The following PARD3B variants were observed in gnomAD, a reference collection of about 807,000 sequenced individuals.
PARD3B encodes the protein par-3 family cell polarity regulator beta, also known as partitioning defective 3 homolog B.
In PARD3B, 103 loss-of-function variants were observed where a neutral mutation model predicts 130.2. The ratio of observed to expected loss-of-function variants is 0.79; its 90% CI spans 0.67 to 0.93. The LOEUF (loss-of-function observed/expected upper bound fraction) is 0.93, where lower values mean the gene tolerates loss of function less well. PARD3B is among the 40% of genes least tolerant of loss of function. The pLI is 0.00. For missense variants in PARD3B, 1,609 were observed against 1,499.2 expected, an observed-to-expected ratio of 1.07 and a Z score of -1.21; for synonymous variants, 583 against 553.2, an observed-to-expected ratio of 1.05 and a Z score of -0.76.
intron 4 of PARD3B, 128 bp from the exon 5 acceptor site, chr2:205,104,298 C>T: frequency 1.6e-6 from 1 of 640,436 alleles, no homozygotes; most frequent in East Asian, 2.6e-5. Context: ...TTCCAGTTTT[C>T]AAAGAAATTA....
intron 1 of PARD3B, among the ~76,000 whole-genome samples, chr2:204,563,261 C>CTCTCTCTT (rs1553542046): frequency 7.0e-6 from 1 of 142,980 alleles, no homozygotes; most frequent in South Asian, 2.2e-4. Context: ...CTCTCTCTCT[C>CTCTCTCTT]TCTCTTTCTC....
rs1049191032 is a variant in PARD3B at position 205,406,636 on chromosome 2, G to A, written c.2741+5513G>A. ...CTAATTAAGTACATTAAGCCACATA[G>A]CACCTAAAATCTTCTTGTGTATCTT... On this transcript the variant is annotated intron_variant, in intron 19 of 22. Coordinates refer to ENST00000406610, the MANE Select transcript of PARD3B (RefSeq NM_001302769.2). Among the ~76,000 whole-genome samples the A allele has an allele frequency of 5.0e-5, 7 of 139,554 alleles. No individual in the cohort carries two copies. The South Asian group carries it at 7.5e-4, about 15-fold the overall frequency. The allele number at this position is 139,554 out of a possible 152,430, so 91.6% of individuals were successfully genotyped here.
At chr2:204,594,875 T>C (rs1484605755) in intron 1 of PARD3B, among the ~76,000 whole-genome samples, 1 of 152,170 alleles carries the variant, frequency 6.6e-6, no homozygotes, top group African/African-American at 2.4e-5. Context: ...GCCTCAGCTA[T>C]GTTGGTGTTT....
intron 3 of PARD3B, among the ~76,000 whole-genome samples, chr2:205,036,379 G>A (rs1575603276): frequency 7.1e-6 from 1 of 141,098 alleles, no homozygotes; most frequent in Non-Finnish European, 1.5e-5. Context: ...AATATATATA[G>A]CAGACTATAT....
rs1305117161 is a variant in PARD3B, at chr2:205,128,665, C to T, written c.1434+2928C>T. Among the ~76,000 whole-genome samples, 1 of 152,208 alleles carries T rather than the reference C, an allele frequency of 6.6e-6. No homozygotes were observed. The highest frequency in any genetic ancestry group is 1.9e-4 in the East Asian group (1 of 5,180). On this transcript the variant is annotated intron_variant, in intron 10 of 22. Transcript: ENST00000406610. The surrounding 1 kb of genome is among the most constrained non-coding windows in gnomAD (Gnocchi z 4.5). ...TGGCTAATTGTAAGTTCTCAAAATA[C>T]GTTAGCTATAATTTTTTTTTCTAAT...
intron 21 of PARD3B, among the ~76,000 whole-genome samples, chr2:205,521,261 C>T (rs931164287): frequency 9.2e-5 from 14 of 151,850 alleles, no homozygotes; most frequent in Non-Finnish European, 1.5e-4. Flanking sequence ...TGAGAATAAA[C>T]ATTTCATAGG....
intron 1 of PARD3B, among the ~76,000 whole-genome samples, chr2:204,607,627 A>G (rs992528063): frequency 6.6e-6 from 1 of 152,188 alleles, no homozygotes; most frequent in Non-Finnish European, 1.5e-5. Context: ...ATTATTTTAA[A>G]AAAAAGGATT....
chr2:205,429,598 A>G (rs569426166), intron 19 of PARD3B, among the ~76,000 whole-genome samples: 1 of 152,314 alleles, frequency 6.6e-6, no homozygotes, highest in African/African-American at 2.4e-5. Context: ...TAGGATGGAG[A>G]AGACAGAGAT....
chr2:205,024,870 A>G (rs988096038), intron 3 of PARD3B, among the ~76,000 whole-genome samples: 1 of 152,148 alleles, frequency 6.6e-6, no homozygotes, highest in Non-Finnish European at 1.5e-5. Flanking sequence ...TGGCACTGTA[A>G]TGATTTGTGT....
Position 205,176,642 on chromosome 2 carries a change from TAA to T in PARD3B, c.1924+79_1924+80del, listed in dbSNP as rs11329569. 151,393 of 1,122,306 alleles carry T rather than the reference TAA, an allele frequency of 0.13. 18 individuals are homozygous for T. The highest frequency in any genetic ancestry group is 0.2 in the South Asian group (9,607 of 47,416). 69.5% of individuals were successfully genotyped at this position (1,122,306 alleles called of 1,614,324 possible). Reference sequence around the variant, plus strand: ...GAAAACACAAAAGTGTCTTTTTATCTAAAAAAAAAAAAAAAGAGTAAAGGGGA... The same window carrying T: ...GAAAACACAAAAGTGTCTTTTTATCTAAAAAAAAAAAAAGAGTAAAGGGGA... On this transcript the variant is annotated intron_variant, in intron 13 of 22. Transcript: ENST00000406610. The surrounding 1 kb of genome is among the most constrained non-coding windows in gnomAD (Gnocchi z 5.3).
chr2:204,610,839 C>T lies in PARD3B; in HGVS notation c.120+64720C>T, dbSNP rs763126081. Among the ~76,000 whole-genome samples the T allele has an allele frequency of 2.2e-4, 34 of 152,184 alleles. No homozygotes were observed. Among genetic ancestry groups the T allele is most frequent in the Admixed American group, 7.2e-4 (11 of 15,272 alleles). On this transcript the variant is annotated intron_variant, in intron 1 of 22. Coordinates refer to ENST00000406610, the MANE Select transcript of PARD3B (RefSeq NM_001302769.2). This position sits in a 1 kb window ranked among gnomAD's most constrained non-coding sequence, Gnocchi z 4.1. ...AACAATTGGAAGTATTTATTATTTA[C>T]ATAACAGTATTTCTAGTATATAAAA...
chr2:205,369,062 T>C (rs1027004422), intron 18 of PARD3B, among the ~76,000 whole-genome samples: 3 of 152,182 alleles, frequency 2.0e-5, no homozygotes. Context: ...ATTTCAAGTA[T>C]AGATACAGCT....
At chr2:205,079,476 G>A (rs184785792) in intron 4 of PARD3B, among the ~76,000 whole-genome samples, 20 of 152,230 alleles carry the variant, frequency 1.3e-4, no homozygotes, top group African/African-American at 4.8e-4. Flanking sequence ...AGGCAGAAGG[G>A]CAAAAAGAGC....
chr2:204,992,785 G>A (rs1287397424), intron 3 of PARD3B, among the ~76,000 whole-genome samples: 2 of 144,130 alleles, frequency 1.4e-5, no homozygotes, highest in Non-Finnish European at 1.5e-5. Flanking sequence ...CCTTGAAGAG[G>A]TCCTTCCCAT....
chr2:205,549,380 C>T (rs2052518366), intron 21 of PARD3B, among the ~76,000 whole-genome samples: 1 of 152,076 alleles, frequency 6.6e-6, no homozygotes, highest in African/African-American at 2.4e-5. Flanking sequence ...AATTTGGAGG[C>T]AACTAAGATG....
intron 2 of PARD3B, among the ~76,000 whole-genome samples, chr2:204,935,469 G>A (rs1346542511): frequency 6.6e-6 from 1 of 151,672 alleles, no homozygotes; most frequent in African/African-American, 2.4e-5. Context: ...AACCCGGGAG[G>A]TGGAGCTTGC....
At chr2:204,800,680 T>C (rs1046225930) in intron 2 of PARD3B, among the ~76,000 whole-genome samples, 2 of 152,214 alleles carry the variant, frequency 1.3e-5, no homozygotes, top group African/African-American at 4.8e-5. Flanking sequence ...ACTCTGATGA[T>C]AGTTTCTTTT....
At chr2:204,925,897 T>C (rs1031885562) in intron 2 of PARD3B, among the ~76,000 whole-genome samples, 1 of 151,372 alleles carries the variant, frequency 6.6e-6, no homozygotes, top group Non-Finnish European at 1.5e-5. Context: ...CTGATGGTTT[T>C]ATAAGGGGCT....
intron 18 of PARD3B, among the ~76,000 whole-genome samples, chr2:205,375,663 A>C (rs190610774): frequency 4.6e-5 from 7 of 152,282 alleles, no homozygotes; most frequent in East Asian, 1.9e-4. Context: ...GAATTGAGAG[A>C]GAGAGAGAAC....
Sources: gnomAD v4.1 joint callset for allele counts (sites outside exome capture counted in the v4.1 genomes callset) on GRCh38, gnomAD v4.1.1 for gene constraint, Gnocchi (gnomAD v3.1) non-coding constraint, MANE v1.5 for transcripts, NCBI Gene and HGNC (gene_info 2026-07-23, HGNC 2026-07-21) for gene names.